Variants in FAM120AOS observed in about 807,000 individuals in gnomAD.
The protein encoded by FAM120AOS is uncharacterized protein FAM120AOS.
FAM120AOS carries 15 observed loss-of-function variants against 20.2 expected under a neutral mutation model. The ratio of observed to expected loss-of-function variants is 0.74; its 90% CI spans 0.50 to 1.15. The LOEUF (loss-of-function observed/expected upper bound fraction) is 1.15, where lower values mean the gene tolerates loss of function less well. Among genes scored for constraint, FAM120AOS ranks in the 50% most tolerant of loss-of-function variants. The pLI, the probability that FAM120AOS is intolerant of heterozygous loss-of-function variation, is 0.00. For synonymous variants in FAM120AOS, 154 were observed against 154.0 expected (o/e 1.00, Z 0.00); for missense variants, 327 against 351.9 (o/e 0.93, Z 0.57).
intron 2 of FAM120AOS, 65 bp downstream of exon 2, chr9:93,450,414 T>G (rs751413654): frequency 2.8e-5 from 43 of 1,509,390 alleles, no homozygotes; most frequent in Non-Finnish European, 3.6e-5. Context: ...TTAATTTATG[T>G]ACGTATGATA....
intron 1 of FAM120AOS, chr9:93,451,046 TA>T (rs1349588460): frequency 1.3e-6 from 2 of 1,550,532 alleles, no homozygotes; most frequent in Admixed American, 3.9e-5. Flanking sequence ...GTCATAGGTG[TA>T]AAAACCACAA....
intron 1 of FAM120AOS, chr9:93,451,351 G>T (rs1217407223): frequency 5.4e-5 from 77 of 1,427,246 alleles, no homozygotes; most frequent in Non-Finnish European, 6.6e-5. Context: ...GCTTCCCTTC[G>T]CCCGAGAACC....
At chr9:93,450,991 C>T in intron 1 of FAM120AOS, 1 of 1,528,782 alleles carries the variant, frequency 6.5e-7, no homozygotes, top group Non-Finnish European at 8.9e-7. Flanking sequence ...GCGCTTAGGG[C>T]TACCTGTACC....
rs1030247309 is a variant in FAM120AOS, at chr9:93,453,539, G to C, written c.-830C>G. 2.0e-6 allele frequency: 2 copies of C among 985,278 alleles called. No homozygotes were observed. Among genetic ancestry groups the C allele is most frequent in the African/African-American group, 1.7e-5 (1 of 57,214 alleles). 61.0% of individuals were successfully genotyped at this position (985,278 alleles called of 1,614,324 possible). A position where few individuals can be genotyped will look rare whatever the true frequency, so the allele number is the denominator to read the frequency against. On this transcript the variant is annotated 5_prime_UTR_variant, in exon 1 of 3. Transcript: ENST00000375412. ...AAAGTTTGTGAAATTCTGTCTTCGC[G>C]GTTGCCCCCACTGCCCGCGAGGAGA...
chr9:93,447,523 T>C lies in FAM120AOS; in HGVS notation c.*88A>G. On this transcript the variant is annotated 3_prime_UTR_variant, in exon 3 of 3. Coordinates refer to ENST00000375412, the MANE Select transcript of FAM120AOS (RefSeq NM_198841.4). Reference sequence around the variant, plus strand: ...GAAACCAGAAGCAGAAGCTGAGGAATGGTGAATAGAGCATTTTCCCTCACA... The same window carrying C: ...GAAACCAGAAGCAGAAGCTGAGGAACGGTGAATAGAGCATTTTCCCTCACA... The C allele has an allele frequency of 1.7e-6, 2 of 1,166,176 alleles. No homozygotes were observed. Among genetic ancestry groups the C allele is most frequent in the Non-Finnish European group, 2.5e-6 (2 of 788,688 alleles). The allele number at this position is 1,166,176 out of a possible 1,614,324, so 72.2% of individuals were successfully genotyped here. A position where few individuals can be genotyped will look rare whatever the true frequency, so the allele number is the denominator to read the frequency against.
chr9:93,453,594 G>C, upstream of FAM120AOS: 2 of 985,406 alleles, frequency 2.0e-6, no homozygotes, highest in Non-Finnish European at 2.4e-6. Context: ...AATGATAGCG[G>C]AAGTCCCACC....
Position 93,452,618 on chromosome 9 carries a change from C to T in FAM120AOS, c.92G>A (p.Arg31Gln). The T allele has an allele frequency of 6.3e-7, 1 of 1,599,152 alleles. No homozygotes were observed. The highest frequency in any genetic ancestry group is 8.5e-7 in the Non-Finnish European group (1 of 1,179,836). ...GCTGTCCCTGTTCGGGGTCCGCGGC[C>T]GCGTGGGGACACTTGAGGGCTGGGA... ...ALSQPSSVPT[R>Q]PRTPNRDSWR... Residue 31 changes from arginine to glutamine, a missense_variant, in exon 1 of 3, where the codon CGG becomes CAG. Arg to Gln is a conservative substitution (Grantham distance 43). Around this residue, in one of 3 missense-constraint regions of FAM120AOS, gnomAD observed 155 missense variants for 128.8 expected, o/e 1.20. Transcript: ENST00000375412. The surrounding 1 kb of genome is among the most constrained non-coding windows in gnomAD (Gnocchi z 7.0).
intron 1 of FAM120AOS, chr9:93,451,675 C>T (rs1490208921): frequency 3.1e-5 from 30 of 978,232 alleles, no homozygotes; most frequent in Non-Finnish European, 3.5e-5. Context: ...CCCTCAGCCT[C>T]GGCCTCGGCC....
At chr9:93,451,195 GC>G in intron 1 of FAM120AOS, 2 of 1,541,052 alleles carry the variant, frequency 1.3e-6, no homozygotes, top group South Asian at 2.4e-5. Flanking sequence ...TGGGCAGCAG[GC>G]CCAGAGTGGT....
rs770668216 is a variant in FAM120AOS, at chr9:93,453,551, T to A, written c.-842A>T. On this transcript the variant is annotated 5_prime_UTR_variant, in exon 1 of 3. Transcript: ENST00000375412. ...ATTCTGTCTTCGCGGTTGCCCCCAC[T>A]GCCCGCGAGGAGATGGTGGTAGTTA... 11 of 985,452 alleles carry A rather than the reference T, an allele frequency of 1.1e-5. No individual in the cohort carries two copies. The highest frequency in any genetic ancestry group is 1.3e-5 in the Non-Finnish European group (11 of 829,940). The allele number at this position is 985,452 out of a possible 1,614,324, so 61.0% of individuals were successfully genotyped here. A position where few individuals can be genotyped will look rare whatever the true frequency, so the allele number is the denominator to read the frequency against.
chr9:93,450,876 T>C lies in FAM120AOS; in HGVS notation c.564-277A>G, dbSNP rs1857124496. ...CCCTCAGAAGAGCTGGGAGATCCACTGCAAAGGCGCACGTTTCAGTCTAGC... is the reference window on the plus strand; with the variant it reads ...CCCTCAGAAGAGCTGGGAGATCCACCGCAAAGGCGCACGTTTCAGTCTAGC... On this transcript the variant is annotated intron_variant, in intron 1 of 2. Transcript: ENST00000375412. 6.4e-6 allele frequency: 6 copies of C among 944,460 alleles called. No individual in the cohort carries two copies. In the Admixed American group the frequency reaches 8.0e-5, roughly 13 times the overall value. 58.5% of individuals were successfully genotyped at this position (944,460 alleles called of 1,614,324 possible).
In FAM120AOS at chr9:93,452,892, T is replaced by C; in HGVS notation, c.-183A>G. 6.9e-7 allele frequency: 1 copy of C among 1,442,636 alleles called. No individual in the cohort carries two copies. The highest frequency in any genetic ancestry group is 9.0e-7 in the Non-Finnish European group (1 of 1,106,214). 89.4% of individuals were successfully genotyped at this position (1,442,636 alleles called of 1,614,324 possible). On this transcript the variant is annotated 5_prime_UTR_variant, in exon 1 of 3. Transcript: ENST00000375412. The surrounding 1 kb of genome is among the most constrained non-coding windows in gnomAD (Gnocchi z 7.0). ...ATATCAGTGCTGCTGCCGCCGCCCT[T>C]GCCAATGTTGTTAGCCCGGTGACAG...
rs1179325479 is a variant in FAM120AOS at position 93,445,721 on chromosome 9, G to A, written c.*1890C>T. ...TCTTCCCACCTCAGCCTCCTGAGAA[G>A]ATGGGACTACAGGTGCACACCTCAC... On this transcript the variant is annotated 3_prime_UTR_variant, in exon 3 of 3. Transcript: ENST00000375412. Among the ~76,000 whole-genome samples, 1 of 150,614 alleles carries A rather than the reference G, an allele frequency of 6.6e-6. No individual in the cohort carries two copies. The highest frequency in any genetic ancestry group is 6.7e-5 in the Admixed American group (1 of 14,924).
Position 93,453,273 on chromosome 9 carries a change from G to A in FAM120AOS, c.-564C>T, listed in dbSNP as rs929551168. ...TGGGTAATCAGAGCTCTATATCACC[G>A]GCCTCCTCTGGCCCTTTGGCAGAGG... On this transcript the variant is annotated 5_prime_UTR_variant, in exon 1 of 3. Coordinates refer to ENST00000375412, the MANE Select transcript of FAM120AOS (RefSeq NM_198841.4). 1 of 988,170 alleles carries A rather than the reference G, an allele frequency of 1.0e-6. No individual in the cohort carries two copies. Among genetic ancestry groups the A allele is most frequent in the African/African-American group, 1.7e-5 (1 of 57,228 alleles). The allele number at this position is 988,170 out of a possible 1,614,324, so 61.2% of individuals were successfully genotyped here.
intron 1 of FAM120AOS, chr9:93,451,881 CCGCCCGCACCCG>C (rs1554770534): frequency 1.7e-6 from 2 of 1,208,586 alleles, no homozygotes; most frequent in Non-Finnish European, 2.1e-6. Flanking sequence ...CCGCCGCCCC[CCGCCCGCACCCG>C]CGCCCGCGCC....
In FAM120AOS at chr9:93,447,717, G is replaced by A. The variant is rs749613750; in HGVS notation, c.685-20C>T. The A allele has an allele frequency of 1.3e-6, 2 of 1,544,786 alleles. No individual in the cohort carries two copies. Among genetic ancestry groups the A allele is most frequent in the East Asian group, 2.3e-5 (1 of 44,426 alleles). The stretch of plus-strand genomic sequence containing the variant: ...GGAAATCTGAAAAGAAAAAAAAAAA[G>A]GTAGTTTATATATTAGTTTGGAATA... On this transcript the variant is annotated intron_variant, in intron 2 of 2. Coordinates refer to ENST00000375412, the MANE Select transcript of FAM120AOS (RefSeq NM_198841.4).
In FAM120AOS at chr9:93,452,029, G is replaced by A. The variant is rs1372492919; in HGVS notation, c.563+118C>T. The A allele has an allele frequency of 2.6e-6, 4 of 1,563,804 alleles. No individual in the cohort carries two copies. The highest frequency in any genetic ancestry group is 1.4e-5 in the African/African-American group (1 of 73,940). On this transcript the variant is annotated intron_variant, in intron 1 of 2. Transcript: ENST00000375412. The surrounding 1 kb of genome is among the most constrained non-coding windows in gnomAD (Gnocchi z 7.0). ...GCCTGGTGGGCGGCGGGCGGCAGCGGCCCCCGCAGACCCCGCTGCGCCTGC... is the reference window on the plus strand; with the variant it reads ...GCCTGGTGGGCGGCGGGCGGCAGCGACCCCCGCAGACCCCGCTGCGCCTGC...
intron 2 of FAM120AOS, among the ~76,000 whole-genome samples, chr9:93,449,489 G>A (rs78903916): frequency 0.029 from 3,407 of 118,420 alleles, 66 homozygotes; most frequent in African/African-American, 0.039. Context: ...TACTGGCACT[G>A]GCATTTTTTT....
chr9:93,448,479 C>T, intron 2 of FAM120AOS: 2 of 215,610 alleles, frequency 9.3e-6, no homozygotes, highest in South Asian at 1.1e-4. Flanking sequence ...GGCAACAGAG[C>T]AAGACTCCAT....
Sources: allele counts gnomAD v4.1 joint callset (sites outside exome capture counted in the v4.1 genomes callset), GRCh38; gene constraint gnomAD v4.1.1; regional missense constraint gnomAD v4.1.1; non-coding constraint Gnocchi (gnomAD v3.1); transcripts MANE v1.5; gene names NCBI Gene and HGNC (gene_info 2026-07-23, HGNC 2026-07-21).